ATRNL1: variants seen among roughly 807,000 people sequenced by gnomAD.
ATRNL1 encodes attractin like 1, also known as attractin-like protein 1.
ATRNL1 carries 95 observed loss-of-function variants against 182.7 expected under a neutral mutation model. The observed-to-expected ratio is 0.52, with a 90% CI of 0.44 to 0.62. The LOEUF is 0.62. Among genes scored for constraint, ATRNL1 ranks in the 20% least tolerant of loss-of-function variants. The pLI, the probability that ATRNL1 is intolerant of heterozygous loss-of-function variation, is 0.00. For synonymous variants in ATRNL1, 576 were observed against 568.3 expected (o/e 1.01, Z -0.19); for missense variants, 1,471 against 1,679.5 (o/e 0.88, Z 2.17).
At chr10:115,871,473 G>GTATATATATATATA (rs1391895391) in intron 28 of ATRNL1, among the ~76,000 whole-genome samples, 24 of 15,016 alleles carry the variant, frequency 1.6e-3, no homozygotes, top group African/African-American at 3.5e-3. Context: ...GATTCTTTGT[G>GTATATATATATATA]TGTGTGTATA....
intron 27 of ATRNL1, among the ~76,000 whole-genome samples, chr10:115,752,453 C>T (rs1948474473): frequency 6.6e-6 from 1 of 152,096 alleles, no homozygotes; most frequent in Non-Finnish European, 1.5e-5. Flanking sequence ...AAAACTCCTA[C>T]CTTCATAGAG....
chr10:115,826,507 T>A (rs981672322), intron 27 of ATRNL1, among the ~76,000 whole-genome samples: 4 of 152,100 alleles, frequency 2.6e-5, no homozygotes, highest in Non-Finnish European at 5.9e-5. Flanking sequence ...TGGGAAACAA[T>A]GTTACAGCCC....
At chr10:115,394,606 T>A in intron 19 of ATRNL1, 53 bp from the exon 20 acceptor site, 1 of 1,299,476 alleles carries the variant, frequency 7.7e-7, no homozygotes, top group Non-Finnish European at 1.1e-6. Context: ...AAATGTGAAA[T>A]GTGCATGTTT....
At chr10:115,403,255 A>ATTTTTTTTTTTTTTTTTT (rs1844658301) in intron 20 of ATRNL1, among the ~76,000 whole-genome samples, 1 of 78,340 alleles carries the variant, frequency 1.3e-5, no homozygotes, top group African/African-American at 8.1e-5. Flanking sequence ...AATTACTCTC[A>ATTTTTTTTTTTTTTTTTT]TCTTTTTTTT....
intron 21 of ATRNL1, among the ~76,000 whole-genome samples, chr10:115,448,723 AAG>A (rs1272149705): frequency 1.3e-5 from 2 of 152,180 alleles, no homozygotes; most frequent in Non-Finnish European, 2.9e-5. Flanking sequence ...AAACATTTAA[AAG>A]ATAAACAAAT....
chr10:115,251,062 A>G (rs1554905270), intron 10 of ATRNL1, among the ~76,000 whole-genome samples: 1 of 152,160 alleles, frequency 6.6e-6, no homozygotes, highest in Non-Finnish European at 1.5e-5. Flanking sequence ...TGCCGACTCC[A>G]TGGCCATGTT....
chr10:115,286,344 A>G lies in ATRNL1; in HGVS notation c.2362A>G (p.Thr788Ala), dbSNP rs1554918887. ...TAGTGGAAATCTTGCTTCATTAACA[A>G]CCTCAAAAGAAGTAGAATTTGTTCT... is the stretch of plus-strand genomic sequence containing the variant. Reference protein sequence around the residue: ...NLSGNLASLTTSKEVEFVLDE... With the variant: ...NLSGNLASLTASKEVEFVLDE... The change falls in exon 15 of 29, where the codon ACC becomes GCC. Residue 788 changes from threonine (T) to alanine (A), a missense_variant. Thr to Ala is a moderately conservative substitution (Grantham distance 58). This residue lies in a region of ATRNL1 where 1,031 missense variants were observed against 1,156.0 expected (regional missense o/e 0.89). Transcript: ENST00000355044. The G allele has an allele frequency of 6.2e-7, 1 of 1,607,610 alleles. No individual in the cohort carries two copies. Among genetic ancestry groups the G allele is most frequent in the Admixed American group, 1.7e-5 (1 of 59,658 alleles).
chr10:115,419,528 CTTACT>C (rs1191894686), intron 20 of ATRNL1, among the ~76,000 whole-genome samples: 1 of 152,078 alleles, frequency 6.6e-6, no homozygotes, highest in East Asian at 1.9e-4. Context: ...CTACAGGAGA[CTTACT>C]TTACGTATAA....
At chr10:115,824,211 AAC>A (rs1282990743) in intron 27 of ATRNL1, among the ~76,000 whole-genome samples, 1 of 152,220 alleles carries the variant, frequency 6.6e-6, no homozygotes, top group African/African-American at 2.4e-5. Context: ...TTGTTGAGAA[AAC>A]TGGCTAGCCA....
intron 6 of ATRNL1, 131 bp from the exon 7 acceptor site, chr10:115,165,427 A>G (rs1554884134): frequency 6.9e-6 from 3 of 435,442 alleles, no homozygotes; most frequent in Non-Finnish European, 1.2e-5. Context: ...ACATGAAATT[A>G]TGAGTTTATT....
chr10:115,251,237 G>A (rs545018135), intron 10 of ATRNL1, among the ~76,000 whole-genome samples: 1 of 151,810 alleles, frequency 6.6e-6, no homozygotes, highest in African/African-American at 2.4e-5. Flanking sequence ...GATTCTTTAG[G>A]GTGATACTAA....
intron 26 of ATRNL1, among the ~76,000 whole-genome samples, chr10:115,671,912 G>GCT: frequency 6.6e-6 from 1 of 152,088 alleles, no homozygotes. Context: ...TGCCCATAAG[G>GCT]TGAGAGAAAC....
intron 26 of ATRNL1, among the ~76,000 whole-genome samples, chr10:115,675,091 C>T (rs1945818119): frequency 6.6e-6 from 1 of 152,220 alleles, no homozygotes; most frequent in Non-Finnish European, 1.5e-5. Context: ...CATTTAAAAT[C>T]TCATGTTTAG....
At chr10:115,274,407 G>A (rs1292183515) in intron 13 of ATRNL1, among the ~76,000 whole-genome samples, 1 of 152,108 alleles carries the variant, frequency 6.6e-6, no homozygotes, top group Non-Finnish European at 1.5e-5. Flanking sequence ...AGGGGCCAGA[G>A]GCAACAACTT....
chr10:115,762,056 C>A (rs1555073752), intron 27 of ATRNL1, among the ~76,000 whole-genome samples: 1 of 152,100 alleles, frequency 6.6e-6, no homozygotes, highest in Non-Finnish European at 1.5e-5. Flanking sequence ...TGGCCATTGT[C>A]AGAATTCATT....
At chr10:115,888,879 A>T (rs1565463443) in intron 28 of ATRNL1, among the ~76,000 whole-genome samples, 1 of 152,172 alleles carries the variant, frequency 6.6e-6, no homozygotes, top group Non-Finnish European at 1.5e-5. Context: ...AAGGCACAGA[A>T]ATGGCATGTC....
chr10:115,928,889 A>G (rs1053443651), intron 28 of ATRNL1, among the ~76,000 whole-genome samples: 3 of 151,986 alleles, frequency 2.0e-5, no homozygotes, highest in Admixed American at 1.3e-4. Flanking sequence ...TGATTTTAGA[A>G]ACATGTCCTT....
intron 28 of ATRNL1, among the ~76,000 whole-genome samples, chr10:115,917,387 G>A (rs540667230): frequency 3.4e-5 from 5 of 148,762 alleles, no homozygotes; most frequent in East Asian, 2.1e-4. Flanking sequence ...GGAGAATGGC[G>A]TGAACCCAGG....
chr10:115,136,529 T>C (rs2197305), intron 5 of ATRNL1, among the ~76,000 whole-genome samples: 3,783 of 152,348 alleles, frequency 0.025, 154 homozygotes, highest in African/African-American at 0.086. Flanking sequence ...TATCATTACA[T>C]GTATCCACCA....
Sources: gnomAD v4.1 joint callset for allele counts (sites outside exome capture counted in the v4.1 genomes callset) on GRCh38, gnomAD v4.1.1 for gene constraint, gnomAD v4.1.1 regional missense constraint, MANE v1.5 for transcripts, NCBI Gene and HGNC (gene_info 2026-07-23, HGNC 2026-07-21) for gene names.